The following ABCA13 variants were observed in gnomAD, a reference collection of about 807,000 sequenced individuals.
ABCA13 encodes ATP binding cassette subfamily A member 13.
A neutral mutation model predicts 478.7 loss-of-function variants in ABCA13; 476 were observed. The observed-to-expected ratio is 0.99, with a 90% CI of 0.92 to 1.07. ABCA13 has a LOEUF of 1.07. Ranked by LOEUF, ABCA13 falls within the 50% of genes least tolerant of loss-of-function variation. ABCA13 has a pLI of 0.00. For synonymous variants in ABCA13, 2,252 were observed against 2,158.9 expected (o/e 1.04, Z -1.20); for missense variants, 6,060 against 5,910.6 (o/e 1.03, Z -0.83).
chr7:48,229,750 A>G, intron 6 of ABCA13, 75 bp from the exon 7 acceptor site: 2 of 1,570,066 alleles, frequency 1.3e-6, no homozygotes, highest in Admixed American at 1.7e-5. Flanking sequence ...ATGGGATGTA[A>G]GTAAACCTAG....
chr7:48,577,413 C>A (rs34949869), intron 55 of ABCA13, among the ~76,000 whole-genome samples: 34,369 of 151,920 alleles, frequency 0.23, 5,152 homozygotes, highest in African/African-American at 0.43. Context: ...ATCCTTACTA[C>A]TCTCATGAAC....
chr7:48,460,331 G>A (rs1418604961), intron 43 of ABCA13, among the ~76,000 whole-genome samples: 2 of 152,104 alleles, frequency 1.3e-5, no homozygotes, highest in Admixed American at 1.3e-4. Context: ...GAAATCAAAG[G>A]GTCAGCAGGA....
chr7:48,204,047 T>G (rs1784578714), intron 3 of ABCA13, among the ~76,000 whole-genome samples: 1 of 152,046 alleles, frequency 6.6e-6, no homozygotes, highest in African/African-American at 2.4e-5. Flanking sequence ...CTCAGCCTTA[T>G]TTGATTATCA....
At chr7:48,277,054 C>T (rs1014949798) in intron 17 of ABCA13, among the ~76,000 whole-genome samples, 8 of 152,126 alleles carry the variant, frequency 5.3e-5, no homozygotes, top group East Asian at 1.9e-4. Flanking sequence ...TGAAGTTTGC[C>T]AGTGAAAAGG....
chr7:48,495,710 T>G (rs10248476), intron 48 of ABCA13, among the ~76,000 whole-genome samples: 73,639 of 151,836 alleles, frequency 0.48, 20,325 homozygotes, highest in African/African-American at 0.76. Flanking sequence ...ATCAGTTTTT[T>G]CTTCATGTAT....
rs554429044 is a variant in ABCA13 at position 48,227,428 on chromosome 7, G to C, written c.632+3G>C. ...AACCTTCTCCAGACCATTTTGAAGTGAGTGAAAAAGAAAAACATAACTAAG... is the reference window on the plus strand; with the variant it reads ...AACCTTCTCCAGACCATTTTGAAGTCAGTGAAAAAGAAAAACATAACTAAG... On this transcript the variant is annotated splice_donor_region_variant and intron_variant, in intron 6 of 61. Transcript: ENST00000435803. 6.2e-7 allele frequency: 1 copy of C among 1,613,208 alleles called. No homozygotes were observed. The highest frequency in any genetic ancestry group is 8.5e-7 in the Non-Finnish European group (1 of 1,179,668).
At chr7:48,560,867 C>A (rs895154505) in intron 55 of ABCA13, among the ~76,000 whole-genome samples, 1 of 152,062 alleles carries the variant, frequency 6.6e-6, no homozygotes, top group Non-Finnish European at 1.5e-5. Flanking sequence ...TTCTCTTCAC[C>A]ATTCAGTCTT....
chr7:48,565,357 G>A (rs1284577486), intron 55 of ABCA13, among the ~76,000 whole-genome samples: 1 of 151,464 alleles, frequency 6.6e-6, no homozygotes, highest in Non-Finnish European at 1.5e-5. Flanking sequence ...GATTTGTGAC[G>A]TCTCCCTCAG....
intron 38 of ABCA13, among the ~76,000 whole-genome samples, chr7:48,395,231 C>T (rs1190293363): frequency 6.6e-6 from 1 of 152,148 alleles, no homozygotes; most frequent in African/African-American, 2.4e-5. Context: ...CACACTCTCT[C>T]CAGTTGCAGG....
At chr7:48,308,383 T>C (rs1469449924) in intron 23 of ABCA13, among the ~76,000 whole-genome samples, 5 of 152,212 alleles carry the variant, frequency 3.3e-5, no homozygotes, top group African/African-American at 1.2e-4. Flanking sequence ...GAGTATACTC[T>C]AAAATAATGA....
intron 45 of ABCA13, among the ~76,000 whole-genome samples, chr7:48,473,732 T>A (rs780665810): frequency 6.6e-6 from 1 of 152,186 alleles, no homozygotes; most frequent in Non-Finnish European, 1.5e-5. Context: ...GGAGTGTGAC[T>A]GCTATCTCAC....
intron 27 of ABCA13, among the ~76,000 whole-genome samples, chr7:48,330,036 TCCA>T (rs1393894105): frequency 6.7e-4 from 31 of 45,954 alleles, no homozygotes; most frequent in African/African-American, 3.0e-3. Context: ...TATTTATCCA[TCCA>T]TCCATCCATC....
At chr7:48,388,610 A>T (rs1815551001) in intron 36 of ABCA13, among the ~76,000 whole-genome samples, 1 of 152,238 alleles carries the variant, frequency 6.6e-6, no homozygotes, top group South Asian at 2.1e-4. Context: ...ACAAGTCAAC[A>T]TTCTAATCTA....
chr7:48,297,102 C>T, intron 21 of ABCA13, 130 bp from the exon 22 acceptor site: 1 of 771,444 alleles, frequency 1.3e-6, no homozygotes, highest in Non-Finnish European at 2.1e-6. Context: ...CTAATTGTTG[C>T]AGGAACTTTA....
chr7:48,506,190 A>AT (rs1246876222), intron 48 of ABCA13, 146 bp from the exon 49 acceptor site: 15 of 772,910 alleles, frequency 1.9e-5, no homozygotes, highest in Non-Finnish European at 2.9e-5. Context: ...GGAATTTGCC[A>AT]TTTTTTTCTG....
At chr7:48,225,332 G>A (rs1788057856) in intron 5 of ABCA13, among the ~76,000 whole-genome samples, 1 of 146,702 alleles carries the variant, frequency 6.8e-6, no homozygotes, top group Non-Finnish European at 1.5e-5. Context: ...TTCAATCGAT[G>A]GTTTATTGAA....
chr7:48,174,322 A>G (rs1303722806), intron 1 of ABCA13, among the ~76,000 whole-genome samples: 1 of 152,236 alleles, frequency 6.6e-6, no homozygotes, highest in African/African-American at 2.4e-5. Flanking sequence ...AAATTGATGC[A>G]TAATAGATGT....
intron 55 of ABCA13, among the ~76,000 whole-genome samples, chr7:48,575,279 A>G (rs1028911642): frequency 1.3e-5 from 2 of 152,170 alleles, no homozygotes; most frequent in Admixed American, 6.6e-5. Flanking sequence ...AAAATTATAC[A>G]TGGATATTTT....
chr7:48,423,063 A>C (rs1195612698), intron 41 of ABCA13, among the ~76,000 whole-genome samples: 1 of 152,240 alleles, frequency 6.6e-6, no homozygotes, highest in Non-Finnish European at 1.5e-5. Flanking sequence ...CATTTGTGGT[A>C]ATTTGTTACA....
Sources: gnomAD v4.1 joint callset for allele counts (sites outside exome capture counted in the v4.1 genomes callset) on GRCh38, gnomAD v4.1.1 for gene constraint, MANE v1.5 for transcripts, NCBI Gene and HGNC (gene_info 2026-07-23, HGNC 2026-07-21) for gene names.